Variants in TENM3 observed in about 807,000 individuals in gnomAD.
TENM3 encodes the protein teneurin transmembrane protein 3.
A neutral mutation model predicts 255.1 loss-of-function variants in TENM3; 63 were observed. That is an observed-to-expected ratio of 0.25 (90% CI 0.20 to 0.30). The LOEUF is 0.30. Among genes scored for constraint, TENM3 ranks in the 10% least tolerant of loss-of-function variants. TENM3 has a pLI of 1.00. For missense variants in TENM3, 2,929 were observed against 3,461.1 expected (o/e 0.85, Z 3.86); for synonymous variants, 1,306 against 1,322.3 (o/e 0.99, Z 0.27).
the TENM3 span, among the ~76,000 whole-genome samples, chr4:181,850,001 GCCCCCGA>G: frequency 1.0e-5 from 1 of 97,280 alleles, no homozygotes; most frequent in African/African-American, 3.3e-5. Flanking sequence ...TCTTCCTCCA[GCCCCCGA>G]CCTTGAATAT....
chr4:181,670,705 C>T, the TENM3 span, among the ~76,000 whole-genome samples: 501 of 152,310 alleles, frequency 3.3e-3, 7 homozygotes, highest in East Asian at 0.058. Flanking sequence ...AATGAAGGTA[C>T]AGTCTTCACA....
chr4:181,848,424 A>T, the TENM3 span, among the ~76,000 whole-genome samples: 1 of 152,190 alleles, frequency 6.6e-6, no homozygotes, highest in Non-Finnish European at 1.5e-5. Flanking sequence ...TCTTCTAGAA[A>T]TGTCCACGTT....
chr4:182,743,031 C>T, intron 18 of TENM3, 139 bp from the exon 19 acceptor site: 1 of 886,366 alleles, frequency 1.1e-6, no homozygotes, highest in Non-Finnish European at 1.7e-6. Context: ...ACAATTCATT[C>T]CAATGGAGCT....
chr4:182,623,327 A>C (rs373509057), intron 4 of TENM3, among the ~76,000 whole-genome samples: 1 of 145,368 alleles, frequency 6.9e-6, no homozygotes, highest in Non-Finnish European at 1.5e-5. Context: ...TTCTTGAGAC[A>C]GAGTCTTACT....
At chr4:182,087,994 C>T in the TENM3 span, among the ~76,000 whole-genome samples, 1 of 152,170 alleles carries the variant, frequency 6.6e-6, no homozygotes, top group African/African-American at 2.4e-5. Flanking sequence ...TAAATGCTCA[C>T]TGAATGAAAC....
the TENM3 span, among the ~76,000 whole-genome samples, chr4:181,862,696 T>TTGCTAC: frequency 1.3e-5 from 2 of 152,322 alleles, no homozygotes; most frequent in South Asian, 4.1e-4. Context: ...TTTTTCTAAA[T>TTGCTAC]TGCTACTTCA....
At chr4:182,780,982 T>A (rs1310604206) in intron 24 of TENM3, among the ~76,000 whole-genome samples, 8 of 151,372 alleles carry the variant, frequency 5.3e-5, no homozygotes, top group Admixed American at 2.0e-4. Flanking sequence ...TTTCTAGATA[T>A]ACAATCATGT....
the TENM3 span, among the ~76,000 whole-genome samples, chr4:181,573,651 C>G: frequency 6.6e-6 from 1 of 152,158 alleles, no homozygotes; most frequent in Non-Finnish European, 1.5e-5. Flanking sequence ...CTGTCTGTCT[C>G]TCTCTCGTCT....
the TENM3 span, chr4:181,522,766 A>G: frequency 1.3e-6 from 1 of 758,510 alleles, no homozygotes; most frequent in African/African-American, 1.7e-5. Flanking sequence ...CTGAGAGTAA[A>G]TGGAGAACAA....
the TENM3 span, among the ~76,000 whole-genome samples, chr4:181,499,214 G>T: frequency 6.6e-6 from 1 of 152,164 alleles, no homozygotes; most frequent in African/African-American, 2.4e-5. Context: ...TGAACCAGAT[G>T]CTTCCCACGT....
the TENM3 span, among the ~76,000 whole-genome samples, chr4:181,752,572 T>C: frequency 1.3e-5 from 2 of 152,136 alleles, no homozygotes; most frequent in Middle Eastern, 3.4e-3. Flanking sequence ...AAAAATGGAA[T>C]GTAGGTATCA....
the TENM3 span, among the ~76,000 whole-genome samples, chr4:181,978,846 T>C: frequency 6.6e-6 from 1 of 150,832 alleles, no homozygotes; most frequent in East Asian, 2.0e-4. Flanking sequence ...GCAAGGGAAG[T>C]ATGAATTGTG....
intron 3 of TENM3, among the ~76,000 whole-genome samples, chr4:182,516,587 A>C: frequency 6.6e-6 from 1 of 152,124 alleles, no homozygotes; most frequent in East Asian, 1.9e-4. Context: ...GTAACGTGTA[A>C]GCAGATGAAT....
the TENM3 span, among the ~76,000 whole-genome samples, chr4:182,100,496 C>T: frequency 4.5e-4 from 59 of 132,034 alleles, 1 homozygote; most frequent in Admixed American, 2.1e-3. Flanking sequence ...TATATATATA[C>T]ACACACACAC....
At chr4:182,387,264 G>A (rs1768016639) in intron 3 of TENM3, among the ~76,000 whole-genome samples, 1 of 152,210 alleles carries the variant, frequency 6.6e-6, no homozygotes, top group South Asian at 2.1e-4. Context: ...CAAGCTTTGT[G>A]AGTGCACCAA....
chr4:182,100,666 T>TAC, the TENM3 span, among the ~76,000 whole-genome samples: 1 of 83,890 alleles, frequency 1.2e-5, no homozygotes, highest in Admixed American at 1.4e-4. Flanking sequence ...TACACATATA[T>TAC]ACACATATAT....
At chr4:182,665,652 T>C (rs1159692271) in intron 6 of TENM3, among the ~76,000 whole-genome samples, 4 of 152,112 alleles carry the variant, frequency 2.6e-5, no homozygotes, top group Non-Finnish European at 1.5e-5. Flanking sequence ...TCCCAGCACA[T>C]TGGGAGGCTG....
chr4:182,616,704 A>G (rs1276532040), intron 4 of TENM3, among the ~76,000 whole-genome samples: 1 of 152,080 alleles, frequency 6.6e-6, no homozygotes, highest in Non-Finnish European at 1.5e-5. Flanking sequence ...GGAATCTTAC[A>G]GAGCTTCTGA....
At chr4:182,555,146 A>G (rs949539725) in intron 3 of TENM3, among the ~76,000 whole-genome samples, 7 of 152,176 alleles carry the variant, frequency 4.6e-5, no homozygotes, top group Non-Finnish European at 5.9e-5. Flanking sequence ...TAACATAAAA[A>G]CCATTCTAAT....
Sources: allele counts gnomAD v4.1 joint callset (sites outside exome capture counted in the v4.1 genomes callset), GRCh38; gene constraint gnomAD v4.1.1; transcripts MANE v1.5; gene names NCBI Gene and HGNC (gene_info 2026-07-23, HGNC 2026-07-21).